The following IMMT variants were observed in gnomAD, a reference collection of about 807,000 sequenced individuals.
IMMT encodes the protein MICOS complex subunit MIC60.
In IMMT, 40 loss-of-function variants were observed where a neutral mutation model predicts 92.7. The ratio of observed to expected loss-of-function variants is 0.43; its 90% CI spans 0.34 to 0.56. The LOEUF (loss-of-function observed/expected upper bound fraction) is 0.56. IMMT is among the 20% of genes least tolerant of loss of function. IMMT has a pLI of 0.03. For missense variants in IMMT, 831 were observed against 912.1 expected (o/e 0.91, Z 1.14); for synonymous variants, 322 against 336.1 (o/e 0.96, Z 0.46).
chr2:86,172,142 A>G (rs1677141482), intron 4 of IMMT, among the ~76,000 whole-genome samples: 1 of 151,062 alleles, frequency 6.6e-6, no homozygotes, highest in South Asian at 2.1e-4. Context: ...TGATTTTTAC[A>G]TTTTTTTGTA....
rs1163472844 is a variant in IMMT at position 86,167,172 on chromosome 2, CTTT to C, written c.656-531_656-529del. Among the ~76,000 whole-genome samples, 5 of 125,998 alleles carry C rather than the reference CTTT, an allele frequency of 4.0e-5. 1 individual carries two copies. The highest frequency in any genetic ancestry group is 6.6e-5 in the Non-Finnish European group (4 of 60,294). 82.7% of individuals were successfully genotyped at this position (125,998 alleles called of 152,430 possible). A position where few individuals can be genotyped will look rare whatever the true frequency, so the allele number is the denominator to read the frequency against. ...AAATCTATGAAGCTTTATTACACTT[CTTT>C]TTTTTTTTTTTTTTGAGACAGAGTC... is the stretch of plus-strand genomic sequence containing the variant. On this transcript the variant is annotated intron_variant, in intron 6 of 14. Coordinates refer to ENST00000410111, the MANE Select transcript of IMMT (RefSeq NM_006839.3).
intron 11 of IMMT, among the ~76,000 whole-genome samples, chr2:86,152,440 C>CAAAAAAAAAAAAAAAAAA (rs772186185): frequency 2.6e-5 from 2 of 76,848 alleles, no homozygotes; most frequent in Admixed American, 1.6e-4. Context: ...GACTCCATCT[C>CAAAAAAAAAAAAAAAAAA]AAAAAAAAAA....
Position 86,151,320 on chromosome 2 carries a change from T to C in IMMT, c.1378A>G (p.Ile460Val). 1 of 1,613,610 alleles carries C rather than the reference T, an allele frequency of 6.2e-7. No individual in the cohort carries two copies. The highest frequency in any genetic ancestry group is 8.5e-7 in the Non-Finnish European group (1 of 1,179,654). Residue 460 changes from isoleucine (I) to valine (V), a missense_variant, in exon 12 of 15, where the codon ATA becomes GTA. Transcript: ENST00000410111. ...AKALEHHRSEIQAEQDRKIEE... is the reference protein window; with the variant it reads ...AKALEHHRSEVQAEQDRKIEE... ...ACCTTTCTGTCCTGTTCAGCCTGTA[T>C]TTCACTTCTGTGATGTTCTAATGCT... is the stretch of plus-strand genomic sequence containing the variant.
chr2:86,155,909 G>A (rs912766323), intron 10 of IMMT, among the ~76,000 whole-genome samples: 2 of 152,088 alleles, frequency 1.3e-5, no homozygotes, highest in African/African-American at 2.4e-5. Context: ...AACTGTGAGA[G>A]GGAAACTTCA....
chr2:86,151,985 T>C (rs1402053994), intron 11 of IMMT, among the ~76,000 whole-genome samples: 1 of 152,214 alleles, frequency 6.6e-6, no homozygotes, highest in Non-Finnish European at 1.5e-5. Flanking sequence ...CTTAAACACA[T>C]ATGATCTAGA....
chr2:86,179,189 T>C (rs1434584035), intron 3 of IMMT, among the ~76,000 whole-genome samples: 1 of 152,224 alleles, frequency 6.6e-6, no homozygotes, highest in East Asian at 1.9e-4. Context: ...GCATTTACAA[T>C]GTATTAGATA....
chr2:86,171,424 A>G, intron 4 of IMMT, 79 bp from the exon 5 acceptor site: 2 of 1,316,864 alleles, frequency 1.5e-6, no homozygotes, highest in Non-Finnish European at 2.1e-6. Context: ...TACCACCATC[A>G]CCACCCACTT....
chr2:86,151,460 T>C lies in IMMT; in HGVS notation c.1238A>G (p.Asp413Gly), dbSNP rs369549767. Residue 413 changes from aspartate (D) to glycine (G), a missense_variant, in exon 12 of 15, where the codon GAT becomes GGT. Transcript: ENST00000410111. ...TTCTGCCAGCTCTCTGTTCAGCTGA[T>C]CAATACGACGATGTGCATGAGCAAT... ...SLIAHAHRRI[D>G]QLNRELAEQK... 1 of 1,613,922 alleles carries C rather than the reference T, an allele frequency of 6.2e-7. No homozygotes were observed. Among genetic ancestry groups the C allele is most frequent in the Non-Finnish European group, 8.5e-7 (1 of 1,179,902 alleles).
intron 9 of IMMT, chr2:86,159,273 C>G (rs1440743817): frequency 4.4e-6 from 2 of 455,892 alleles, no homozygotes; most frequent in Non-Finnish European, 8.1e-6. Context: ...TTTGTAGAAA[C>G]AGAGTTTCAC....
At chr2:86,182,599 GA>G (rs1249575174) in intron 1 of IMMT, among the ~76,000 whole-genome samples, 1 of 152,290 alleles carries the variant, frequency 6.6e-6, no homozygotes, top group Admixed American at 6.5e-5. Flanking sequence ...GGAGGCTGGC[GA>G]GGGTGAGCGG....
At chr2:86,145,356 G>T (rs954165773) in intron 14 of IMMT, among the ~76,000 whole-genome samples, 2 of 151,900 alleles carry the variant, frequency 1.3e-5, no homozygotes, top group African/African-American at 4.8e-5. Context: ...CTAGCCAGGC[G>T]TGGTGGCACG....
intron 7 of IMMT, among the ~76,000 whole-genome samples, chr2:86,162,388 C>T: frequency 7.0e-6 from 1 of 143,282 alleles, no homozygotes; most frequent in South Asian, 2.5e-4. Context: ...AAACCAAAAT[C>T]AGAGTTTAAG....
At chr2:86,164,757 C>A (rs1676554828) in intron 7 of IMMT, among the ~76,000 whole-genome samples, 1 of 150,480 alleles carries the variant, frequency 6.6e-6, no homozygotes, top group African/African-American at 2.5e-5. Context: ...AATTACAAAG[C>A]ATGTAAATGT....
chr2:86,158,834 G>A, intron 9 of IMMT, 113 bp from the exon 10 acceptor site: 1 of 846,862 alleles, frequency 1.2e-6, no homozygotes. Flanking sequence ...AATGTGTAAG[G>A]AAATCTGAAG....
At chr2:86,176,203 C>T (rs1490825769) in intron 3 of IMMT, among the ~76,000 whole-genome samples, 1 of 152,210 alleles carries the variant, frequency 6.6e-6, no homozygotes, top group Admixed American at 6.5e-5. Flanking sequence ...CTCCTGGCTT[C>T]ATACTTATTC....
intron 12 of IMMT, among the ~76,000 whole-genome samples, chr2:86,148,192 A>G (rs554946676): frequency 1.3e-4 from 20 of 152,330 alleles, no homozygotes; most frequent in South Asian, 1.2e-3. Flanking sequence ...AAAAGTAACT[A>G]TATACTTGGA....
At chr2:86,150,509 A>G (rs532113165) in intron 12 of IMMT, among the ~76,000 whole-genome samples, 3 of 152,340 alleles carry the variant, frequency 2.0e-5, no homozygotes, top group Admixed American at 2.0e-4. Flanking sequence ...TAGTACTGCT[A>G]AGAAGACACA....
chr2:86,162,800 C>G (rs192155561), intron 7 of IMMT, among the ~76,000 whole-genome samples: 1 of 152,052 alleles, frequency 6.6e-6, no homozygotes, highest in Non-Finnish European at 1.5e-5. Context: ...GCCAAAATTG[C>G]GCCACTGCAC....
intron 8 of IMMT, among the ~76,000 whole-genome samples, chr2:86,161,062 CACTACGGCATGGG>C (rs1193204404): frequency 2.0e-5 from 3 of 147,764 alleles, no homozygotes; most frequent in African/African-American, 7.5e-5. Context: ...CATGCCCCTG[CACTACGGCATGGG>C]CAACAGAGCA....
Sources: allele counts gnomAD v4.1 joint callset (sites outside exome capture counted in the v4.1 genomes callset), GRCh38; gene constraint gnomAD v4.1.1; transcripts MANE v1.5; gene names NCBI Gene and HGNC (gene_info 2026-07-23, HGNC 2026-07-21).